MYO1E: variants seen among roughly 807,000 people sequenced by gnomAD.
MYO1E encodes the protein myosin IE.
A neutral mutation model predicts 151.1 loss-of-function variants in MYO1E; 68 were observed. That is an observed-to-expected ratio of 0.45 (90% CI 0.37 to 0.55). The LOEUF (loss-of-function observed/expected upper bound fraction) is 0.55, where lower values mean the gene tolerates loss of function less well. MYO1E is among the 20% of genes least tolerant of loss of function. MYO1E has a pLI of 0.00. For missense variants in MYO1E, 1,363 were observed against 1,389.3 expected (o/e 0.98, Z 0.30); for synonymous variants, 601 against 501.7 (o/e 1.20, Z -2.64).
At chr15:59,202,435 A>G (rs780887455) in intron 15 of MYO1E, 28 bp from the exon 16 acceptor site, 4 of 1,595,228 alleles carry the variant, frequency 2.5e-6, no homozygotes, top group Admixed American at 1.7e-5. Context: ...GAATGAATTA[A>G]CAATCTGTAA....
chr15:59,349,380 G>C (rs2080811511), intron 1 of MYO1E, among the ~76,000 whole-genome samples: 1 of 152,058 alleles, frequency 6.6e-6, no homozygotes, highest in African/African-American at 2.4e-5. Context: ...CTAGCTCAGG[G>C]TTAAGGCAGA....
Position 59,293,389 on chromosome 15 carries a change from T to C in MYO1E, c.4-20940A>G, listed in dbSNP as rs1596403807. Among the ~76,000 whole-genome samples the C allele has an allele frequency of 2.0e-5, 3 of 151,984 alleles. No individual in the cohort carries two copies. The Middle Eastern group carries it at 0.01, about 517-fold the overall frequency. On this transcript the variant is annotated intron_variant, in intron 1 of 27. Coordinates refer to ENST00000288235, the MANE Select transcript of MYO1E (RefSeq NM_004998.4). ...GGTGAAACCCCATCTCTACTAAAAA[T>C]ACAAAAATTAGCCAGGCGTGGTGGC...
At chr15:59,285,878 T>C (rs2080384971) in intron 1 of MYO1E, among the ~76,000 whole-genome samples, 1 of 152,220 alleles carries the variant, frequency 6.6e-6, no homozygotes, top group South Asian at 2.1e-4. Flanking sequence ...CCTAATAGAT[T>C]CATAAGTCAA....
chr15:59,293,726 C>CA (rs1333806333), intron 1 of MYO1E, among the ~76,000 whole-genome samples: 2 of 151,924 alleles, frequency 1.3e-5, no homozygotes, highest in African/African-American at 2.4e-5. Context: ...TCTGATGTAG[C>CA]AAAAACAAAA....
rs140527377 is a variant in MYO1E, at chr15:59,189,806, G to T, written c.1806-1590C>A. On this transcript the variant is annotated intron_variant, in intron 17 of 27. Coordinates refer to ENST00000288235, the MANE Select transcript of MYO1E (RefSeq NM_004998.4). ...TGGCCAGGCTGGTCTCGAACTCCTG[G>T]CCTCAGGTGATCCACCACGCCTGGC... is the stretch of plus-strand genomic sequence containing the variant. Among the ~76,000 whole-genome samples, 103 of 152,282 alleles carry T rather than the reference G, an allele frequency of 6.8e-4. No individual in the cohort carries two copies. The East Asian group carries it at 0.019, about 29-fold the overall frequency.
At chr15:59,297,730 A>G (rs1417508038) in intron 1 of MYO1E, among the ~76,000 whole-genome samples, 1 of 151,814 alleles carries the variant, frequency 6.6e-6, no homozygotes, top group Non-Finnish European at 1.5e-5. Flanking sequence ...ACAGGTGTGC[A>G]CTACCATGCT....
Position 59,171,937 on chromosome 15 carries a change from G to C in MYO1E, c.2440C>G (p.Arg814Gly). Residue 814 changes from arginine to glycine, a missense_variant, in exon 22 of 28, where the codon CGG (arginine) becomes GGG (glycine). By Grantham distance (125) the Arg-to-Gly change is moderately radical. Transcript: ENST00000288235. ...AAGATCCGTTCTATCTCGATTTTCCGCTTCAGGACTTCTTTCACCAGGCCC... is the reference window on the plus strand; with the variant it reads ...AAGATCCGTTCTATCTCGATTTTCCCCTTCAGGACTTCTTTCACCAGGCCC... Reference protein sequence around the residue: ...DKGLVKEVLKRKIEIERILSV... With the variant: ...DKGLVKEVLKGKIEIERILSV... 1 of 1,614,140 alleles carries C rather than the reference G, an allele frequency of 6.2e-7. No homozygotes were observed. Among genetic ancestry groups the C allele is most frequent in the Non-Finnish European group, 8.5e-7 (1 of 1,180,022 alleles).
At chr15:59,163,032 T>C in intron 23 of MYO1E, 125 bp downstream of exon 23, 2 of 1,113,188 alleles carry the variant, frequency 1.8e-6, no homozygotes, top group South Asian at 1.3e-5. Flanking sequence ...AAGGTTCCAC[T>C]GGGGCCAGCC....
intron 3 of MYO1E, among the ~76,000 whole-genome samples, chr15:59,260,716 T>C (rs1596389094): frequency 6.6e-6 from 1 of 152,220 alleles, no homozygotes; most frequent in East Asian, 1.9e-4. Context: ...GTTGAAGTCA[T>C]AGTCATAGTT....
intron 18 of MYO1E, among the ~76,000 whole-genome samples, chr15:59,183,348 G>GTTTTTT (rs34330073): frequency 6.8e-6 from 1 of 146,406 alleles, no homozygotes; most frequent in Non-Finnish European, 1.5e-5. Context: ...GTTTGATCAG[G>GTTTTTT]TTTTTTTTTT....
intron 1 of MYO1E, among the ~76,000 whole-genome samples, chr15:59,325,810 C>T (rs937093366): frequency 6.6e-6 from 1 of 152,132 alleles, no homozygotes; most frequent in Non-Finnish European, 1.5e-5. Flanking sequence ...TGTCAGCCCA[C>T]GCAAGTCCTT....
chr15:59,242,736 AAAATT>A (rs1353579906), intron 4 of MYO1E, among the ~76,000 whole-genome samples: 1 of 152,240 alleles, frequency 6.6e-6, no homozygotes, highest in Non-Finnish European at 1.5e-5. Context: ...AAAAGAAAAT[AAAATT>A]AATTTAATGA....
At chr15:59,210,798 T>C (rs1178668642) in intron 12 of MYO1E, among the ~76,000 whole-genome samples, 198 bp from the exon 13 acceptor site, 1 of 152,168 alleles carries the variant, frequency 6.6e-6, no homozygotes, top group African/African-American at 2.4e-5. Context: ...TTATGTTTAG[T>C]TTGAACCCTA....
At chr15:59,281,820 C>T (rs1344037482) in intron 1 of MYO1E, among the ~76,000 whole-genome samples, 3 of 151,954 alleles carry the variant, frequency 2.0e-5, no homozygotes, top group Non-Finnish European at 2.9e-5. Flanking sequence ...TGTTGTAAGC[C>T]GGTCGCGGTG....
Position 59,159,066 on chromosome 15 carries a change from A to G in MYO1E, c.2786-687T>C, listed in dbSNP as rs1187338411. The stretch of plus-strand genomic sequence containing the variant: ...ATGGAACAGGAAGGAAGGTAGGATT[A>G]AACCAGCTGGAAGAGGGGTGCAGAG... On this transcript the variant is annotated intron_variant, in intron 24 of 27. Transcript: ENST00000288235. This position sits in a 1 kb window ranked among gnomAD's most constrained non-coding sequence, Gnocchi z 4.4. Among the ~76,000 whole-genome samples the G allele has an allele frequency of 6.6e-6, 1 of 152,232 alleles. No individual in the cohort carries two copies. Among genetic ancestry groups the G allele is most frequent in the Non-Finnish European group, 1.5e-5 (1 of 68,040 alleles).
chr15:59,328,438 A>G (rs947734007), intron 1 of MYO1E, among the ~76,000 whole-genome samples: 4 of 151,954 alleles, frequency 2.6e-5, no homozygotes, highest in African/African-American at 9.7e-5. Context: ...CCCTCTCCCA[A>G]TACACGCTTG....
chr15:59,204,251 G>C (rs761537455), intron 15 of MYO1E, among the ~76,000 whole-genome samples: 2 of 152,222 alleles, frequency 1.3e-5, no homozygotes, highest in African/African-American at 2.4e-5. Context: ...AGGAAGCGCA[G>C]GGATGGAGAG....
At chr15:59,331,413 A>C (rs1346368755) in intron 1 of MYO1E, among the ~76,000 whole-genome samples, 1 of 152,220 alleles carries the variant, frequency 6.6e-6, no homozygotes, top group Non-Finnish European at 1.5e-5. Context: ...GAGAAATCAG[A>C]GGTCAGCAAC....
chr15:59,173,133 T>C (rs746056664), intron 21 of MYO1E, among the ~76,000 whole-genome samples: 20 of 152,328 alleles, frequency 1.3e-4, no homozygotes, highest in Non-Finnish European at 2.2e-4. Context: ...AAGCCTTACT[T>C]ATCAGCCACT....
Sources: allele counts gnomAD v4.1 joint callset (sites outside exome capture counted in the v4.1 genomes callset), GRCh38; gene constraint gnomAD v4.1.1; non-coding constraint Gnocchi (gnomAD v3.1); transcripts MANE v1.5; gene names NCBI Gene and HGNC (gene_info 2026-07-23, HGNC 2026-07-21).